Variants in INPP5F observed in about 807,000 individuals in gnomAD.
The protein encoded by INPP5F is phosphatidylinositide 4-phosphatase SAC2.
In INPP5F, 97 loss-of-function variants were observed where a neutral mutation model predicts 137.2. The observed-to-expected ratio is 0.71, with a 90% CI of 0.60 to 0.84. The LOEUF (loss-of-function observed/expected upper bound fraction) is 0.84. INPP5F is among the 40% of genes least tolerant of loss of function. The pLI is 0.00. For missense variants in INPP5F, 1,271 were observed against 1,371.9 expected, an observed-to-expected ratio of 0.93 and a Z score of 1.16; for synonymous variants, 504 against 476.9, an observed-to-expected ratio of 1.06 and a Z score of -0.74.
intron 2 of INPP5F, among the ~76,000 whole-genome samples, chr10:119,773,081 G>A (rs138856649): frequency 1.5e-4 from 23 of 151,952 alleles, no homozygotes; most frequent in Middle Eastern, 3.4e-3. Flanking sequence ...TTTTGAAATA[G>A]TGTCTTACTC....
At chr10:119,741,925 A>G (rs1848387393) in intron 1 of INPP5F, among the ~76,000 whole-genome samples, 2 of 149,784 alleles carry the variant, frequency 1.3e-5, no homozygotes, top group Non-Finnish European at 3.0e-5. Flanking sequence ...GGTTCAAGTG[A>G]TTCTCCCACC....
At chr10:119,809,598 T>C (rs1030221174) in intron 13 of INPP5F, among the ~76,000 whole-genome samples, 7 of 152,214 alleles carry the variant, frequency 4.6e-5, no homozygotes, top group Non-Finnish European at 7.3e-5. Flanking sequence ...TGGGTTGTTC[T>C]ACAGGTGCTG....
rs1383176736 is a variant in INPP5F at position 119,746,540 on chromosome 10, G to A, written c.98-4536G>A. Among the ~76,000 whole-genome samples the A allele has an allele frequency of 3.3e-5, 5 of 152,244 alleles. No individual in the cohort carries two copies. The East Asian group carries it at 7.7e-4, about 23-fold the overall frequency. ...AAATCAGGGTATCTTTATTCCACTGGCATTAGGGTTAAGTAGTTAACAACT... is the reference window on the plus strand; with the variant it reads ...AAATCAGGGTATCTTTATTCCACTGACATTAGGGTTAAGTAGTTAACAACT... On this transcript the variant is annotated intron_variant, in intron 1 of 19. Transcript: ENST00000650623.
intron 2 of INPP5F, among the ~76,000 whole-genome samples, chr10:119,778,085 C>G (rs1423687635): frequency 6.6e-6 from 1 of 152,084 alleles, no homozygotes; most frequent in African/African-American, 2.4e-5. Context: ...CGGCTCACTG[C>G]AACCTCTGCC....
chr10:119,824,698 CTATTCATT>C (rs1248546405), intron 19 of INPP5F, among the ~76,000 whole-genome samples: 1 of 152,124 alleles, frequency 6.6e-6, no homozygotes, highest in Non-Finnish European at 1.5e-5. Context: ...AAACCTAAGA[CTATTCATT>C]TTCATAACCA....
rs1024030716 is a variant in INPP5F at position 119,787,258 on chromosome 10, T to G, written c.316-4259T>G. On this transcript the variant is annotated intron_variant, in intron 3 of 19. Coordinates refer to ENST00000650623, the MANE Select transcript of INPP5F (RefSeq NM_014937.4). The surrounding 1 kb of genome is among the most constrained non-coding windows in gnomAD (Gnocchi z 4.1). ...GATGATGGGCTTATATTAACTCTGT[T>G]TCAAGCCCAGGATGAGGGTAGATAA... Among the ~76,000 whole-genome samples, 4 of 152,170 alleles carry G rather than the reference T, an allele frequency of 2.6e-5. No individual in the cohort carries two copies. Among genetic ancestry groups the G allele is most frequent in the Non-Finnish European group, 4.4e-5 (3 of 68,024 alleles).
chr10:119,740,069 A>C (rs1848330746), intron 1 of INPP5F, among the ~76,000 whole-genome samples: 1 of 151,964 alleles, frequency 6.6e-6, no homozygotes, highest in African/African-American at 2.4e-5. Flanking sequence ...GATAACTGAA[A>C]TTTTGTCAGG....
chr10:119,749,065 G>A (rs951055041), intron 1 of INPP5F, among the ~76,000 whole-genome samples: 1 of 152,196 alleles, frequency 6.6e-6, no homozygotes, highest in African/African-American at 2.4e-5. Flanking sequence ...GTGCACACCC[G>A]ACTCGGTCGT....
intron 9 of INPP5F, chr10:119,799,348 A>G (rs1345813274): frequency 4.5e-6 from 2 of 445,960 alleles, no homozygotes; most frequent in Non-Finnish European, 9.0e-6. Flanking sequence ...CTAAAATAAC[A>G]TACAAAAAGA....
At chr10:119,744,371 A>G (rs929657055) in intron 1 of INPP5F, among the ~76,000 whole-genome samples, 5 of 152,216 alleles carry the variant, frequency 3.3e-5, no homozygotes, top group African/African-American at 7.2e-5. Flanking sequence ...TACTGAGTCA[A>G]GGGCATAGGA....
rs1848598851 is a variant in INPP5F, at chr10:119,748,362, T to G, written c.98-2714T>G. Among the ~76,000 whole-genome samples the G allele has an allele frequency of 6.6e-6, 1 of 152,248 alleles. No individual in the cohort carries two copies. Among genetic ancestry groups the G allele is most frequent in the South Asian group, 2.1e-4 (1 of 4,838 alleles). On this transcript the variant is annotated intron_variant, in intron 1 of 19. Coordinates refer to ENST00000650623, the MANE Select transcript of INPP5F (RefSeq NM_014937.4). This position sits in a 1 kb window ranked among gnomAD's most constrained non-coding sequence, Gnocchi z 4.7. ...GCTCGGAGAGCCCCTAGGTCTGGTG[T>G]TCCCGAAGGGCCGCAGCCCTTTCCT...
chr10:119,789,651 T>C (rs569453951), intron 3 of INPP5F, among the ~76,000 whole-genome samples: 1 of 152,106 alleles, frequency 6.6e-6, no homozygotes, highest in East Asian at 1.9e-4. Flanking sequence ...CTGGTAGACA[T>C]CCCAGTGGAA....
intron 1 of INPP5F, among the ~76,000 whole-genome samples, chr10:119,739,110 A>G (rs1002969303): frequency 3.3e-5 from 5 of 152,036 alleles, no homozygotes; most frequent in Non-Finnish European, 7.4e-5. Context: ...GATTGAGTCC[A>G]GTTGGAGGCT....
intron 6 of INPP5F, 25 bp from the exon 7 acceptor site, chr10:119,796,690 G>A (rs756585793): frequency 8.3e-6 from 13 of 1,568,212 alleles, no homozygotes; most frequent in East Asian, 4.5e-5. Flanking sequence ...GAATAGAAAC[G>A]ATATCATGTT....
At chr10:119,809,582 T>C (rs2134253580) in intron 13 of INPP5F, among the ~76,000 whole-genome samples, 1 of 152,296 alleles carries the variant, frequency 6.6e-6, no homozygotes, top group Middle Eastern at 3.4e-3. Context: ...CAGTTTAAGT[T>C]GTCACTGGGT....
intron 1 of INPP5F, among the ~76,000 whole-genome samples, chr10:119,743,908 TATA>T (rs781287741): frequency 6.6e-6 from 1 of 152,060 alleles, no homozygotes; most frequent in Non-Finnish European, 1.5e-5. Context: ...ACCAGGAAAA[TATA>T]ATAATCTTGA....
At chr10:119,801,216 G>C (rs1821406141) in intron 9 of INPP5F, among the ~76,000 whole-genome samples, 1 of 152,186 alleles carries the variant, frequency 6.6e-6, no homozygotes, top group Admixed American at 6.5e-5. Flanking sequence ...CTAATGGGAA[G>C]ATCTTAAAAT....
Position 119,791,872 on chromosome 10 carries a change from A to T in INPP5F, c.448A>T (p.Lys150Ter). The T allele has an allele frequency of 6.3e-7, 1 of 1,598,954 alleles. No homozygotes were observed. The highest frequency in any genetic ancestry group is 1.1e-5 in the South Asian group (1 of 89,720). Reference protein sequence around the residue: ...NVSAPNKKKVKESKEKEKLER... With the variant: ...NVSAPNKKKV Reference sequence around the variant, plus strand: ...ATAGTAGATTAATTTCTTATAGGTTAAGGAAAGTAAAGAGAAGGAGAAGTT... The same window carrying T: ...ATAGTAGATTAATTTCTTATAGGTTTAGGAAAGTAAAGAGAAGGAGAAGTT... The change falls in exon 5 of 20, where the codon AAG (lysine) becomes TAG (stop). Residue 150 changes from lysine (K) to a stop codon, truncating the protein, a stop_gained. Transcript: ENST00000650623. LOFTEE classifies it high-confidence loss of function.
rs374177845 is a variant in INPP5F at position 119,827,700 on chromosome 10, C to A, written c.3319C>A (p.Pro1107Thr). 6.2e-6 allele frequency: 10 copies of A among 1,613,860 alleles called. No homozygotes were observed. The highest frequency in any genetic ancestry group is 7.6e-6 in the Non-Finnish European group (9 of 1,179,774). Residue 1107 changes from proline (P) to threonine (T), a missense_variant, in exon 20 of 20, where the codon CCT (proline) becomes ACT (threonine). Transcript: ENST00000650623. ...AAAAGTTCAGAAGAGTCCTCCAGAACCTGAAATCATTAATCAAGTCCAGCA... is the reference window on the plus strand; with the variant it reads ...AAAAGTTCAGAAGAGTCCTCCAGAAACTGAAATCATTAATCAAGTCCAGCA... ...VSKVQKSPPE[P>T]EIINQVQQNE...
Sources: gnomAD v4.1 joint callset for allele counts (sites outside exome capture counted in the v4.1 genomes callset) on GRCh38, gnomAD v4.1.1 for gene constraint, Gnocchi (gnomAD v3.1) non-coding constraint, MANE v1.5 for transcripts, NCBI Gene and HGNC (gene_info 2026-07-23, HGNC 2026-07-21) for gene names.